Variants in FAM72B observed in about 807,000 individuals in gnomAD.
FAM72B encodes the protein protein FAM72B.
In FAM72B, 4 loss-of-function variants were observed where a neutral mutation model predicts 12.6. That is an observed-to-expected ratio of 0.32 (90% CI 0.16 to 0.73). The LOEUF is 0.73. Among genes scored for constraint, FAM72B ranks in the 30% least tolerant of loss-of-function variants. The pLI is 0.67. For synonymous variants in FAM72B, 13 were observed against 53.9 expected (o/e 0.24, Z 3.32); for missense variants, 61 against 158.4 (o/e 0.39, Z 3.30).
chr1:121,180,208 T>G (rs1266280482), intron 2 of FAM72B, among the ~76,000 whole-genome samples: 1 of 69,132 alleles, frequency 1.4e-5, no homozygotes, highest in Non-Finnish European at 2.5e-5. Flanking sequence ...TATAATAACT[T>G]GATAAGGTAA....
chr1:121,175,100 T>A (rs1490844008), intron 3 of FAM72B, among the ~76,000 whole-genome samples: 1 of 152,144 alleles, frequency 6.6e-6, no homozygotes, highest in Admixed American at 6.5e-5. Flanking sequence ...TGACTTTAAG[T>A]TGAATCCAAT....
At chr1:121,182,860 CTG>C (rs1553317823) in intron 1 of FAM72B, 2 of 91,070 alleles carry the variant, frequency 2.2e-5, no homozygotes, top group African/African-American at 8.0e-5. Context: ...GGAAAGAAAA[CTG>C]AATTTGATGA....
At chr1:121,175,175 C>T (rs587698583) in intron 3 of FAM72B, among the ~76,000 whole-genome samples, 16 of 152,160 alleles carry the variant, frequency 1.1e-4, no homozygotes, top group Middle Eastern at 3.4e-3. Flanking sequence ...TTTGCCTGTG[C>T]GCTGTCAATG....
chr1:121,181,173 AC>A (rs1654325605), intron 2 of FAM72B, 97 bp downstream of exon 2: 2 of 485,582 alleles, frequency 4.1e-6, no homozygotes, highest in Non-Finnish European at 7.5e-6. Flanking sequence ...CATGCTTTAT[AC>A]CAGTCCTTGT....
At chr1:121,173,209 G>A (rs1444808882) in intron 3 of FAM72B, among the ~76,000 whole-genome samples, 1 of 140,356 alleles carries the variant, frequency 7.1e-6, no homozygotes, top group Non-Finnish European at 1.5e-5. Context: ...TTTTGAGACA[G>A]GGTCTCACTC....
chr1:121,168,970 T>A, intron 3 of FAM72B, 135 bp from the exon 4 acceptor site: 1 of 580,628 alleles, frequency 1.7e-6, no homozygotes, highest in Non-Finnish European at 3.1e-6. Context: ...TATTGAAGAA[T>A]GTACTGCAAA....
chr1:121,178,698 T>A (rs1169558393), intron 2 of FAM72B, among the ~76,000 whole-genome samples: 1 of 152,004 alleles, frequency 6.6e-6, no homozygotes, highest in African/African-American at 2.4e-5. Context: ...AGGAATACAC[T>A]GGTAAACAAA....
chr1:121,174,416 G>A (rs1654164390), intron 3 of FAM72B, among the ~76,000 whole-genome samples: 2 of 139,454 alleles, frequency 1.4e-5, no homozygotes, highest in Admixed American at 1.4e-4. Context: ...TGCCCAGGCT[G>A]GAGTGCAATG....
At chr1:121,181,892 CA>C (rs1376504752) in intron 1 of FAM72B, among the ~76,000 whole-genome samples, 187 of 151,672 alleles carry the variant, frequency 1.2e-3, no homozygotes, top group Non-Finnish European at 1.8e-3. Flanking sequence ...CATTGATTCA[CA>C]TACATCTTAG....
chr1:121,180,466 T>A (rs1442255896), intron 2 of FAM72B, among the ~76,000 whole-genome samples: 1 of 128,186 alleles, frequency 7.8e-6, no homozygotes, highest in Admixed American at 7.7e-5. Flanking sequence ...GGAGAATCAC[T>A]TGAACCTGGG....
In FAM72B at chr1:121,183,673, T is replaced by C. The variant is rs1333795511; in HGVS notation, c.-184A>G. Reference sequence around the variant, plus strand: ...CCGGTGGCGGAGTAGAAGAAGTATTTATTGAGTAGGAACAGGGGAGCGTGG... The same window carrying C: ...CCGGTGGCGGAGTAGAAGAAGTATTCATTGAGTAGGAACAGGGGAGCGTGG... On this transcript the variant is annotated 5_prime_UTR_variant, in exon 1 of 4. The change creates a new upstream start codon in the 5' untranslated region. Transcript: ENST00000369390. The C allele has an allele frequency of 1.6e-5, 16 of 994,566 alleles. No individual in the cohort carries two copies. The highest frequency in any genetic ancestry group is 3.3e-5 in the African/African-American group (2 of 60,094). 61.6% of individuals were successfully genotyped at this position (994,566 alleles called of 1,614,324 possible).
At chr1:121,179,555 C>T (rs1399919004) in intron 2 of FAM72B, among the ~76,000 whole-genome samples, 3 of 152,118 alleles carry the variant, frequency 2.0e-5, no homozygotes, top group Admixed American at 6.5e-5. Context: ...GGGCTGGGTG[C>T]GGTGGCTCAC....
chr1:121,178,797 A>T lies in FAM72B; in HGVS notation c.231-1465T>A, dbSNP rs1654266439. The stretch of plus-strand genomic sequence containing the variant: ...TGGTTAAAACCTCTTCAATAGCCAA[A>T]AATGAAAATAAAAACCTTTCCATAC... On this transcript the variant is annotated intron_variant, in intron 2 of 3. Transcript: ENST00000369390. Among the ~76,000 whole-genome samples the T allele has an allele frequency of 5.5e-5, 8 of 145,556 alleles. No homozygotes were observed. The South Asian group carries it at 1.8e-3, about 32-fold the overall frequency.
intron 3 of FAM72B, among the ~76,000 whole-genome samples, chr1:121,170,130 C>T (rs1654062803): frequency 6.6e-6 from 1 of 151,940 alleles, no homozygotes; most frequent in Non-Finnish European, 1.5e-5. Context: ...GCCACCATGC[C>T]TGGGTAATTT....
chr1:121,180,317 G>A (rs1172688081), intron 2 of FAM72B, among the ~76,000 whole-genome samples: 10 of 97,604 alleles, frequency 1.0e-4, no homozygotes, highest in East Asian at 5.1e-4. Flanking sequence ...CGAGGCAGGC[G>A]GATCACCTGA....
In FAM72B at chr1:121,168,911, A is replaced by T. The variant is rs587762389; in HGVS notation, c.356-76T>A. The T allele has an allele frequency of 2.5e-5, 20 of 796,962 alleles. 1 individual carries two copies. In the African/African-American group the frequency reaches 3.3e-4, roughly 13 times the overall value. 49.4% of individuals were successfully genotyped at this position (796,962 alleles called of 1,614,324 possible). ...CAGAACACAAATTACGAAACTTTAT[A>T]TGTTAATATTCTTATGTAAACCATA... On this transcript the variant is annotated intron_variant, in intron 3 of 3. Coordinates refer to ENST00000369390, the MANE Select transcript of FAM72B (RefSeq NM_001100910.2).
rs782141459 is a variant in FAM72B, at chr1:121,181,351, GGA to G, written c.153-5_153-4del. The G allele has an allele frequency of 9.0e-5, 54 of 600,302 alleles. No individual in the cohort carries two copies. Among genetic ancestry groups the G allele is most frequent in the Non-Finnish European group, 1.6e-4 (53 of 339,164 alleles). 37.2% of individuals were successfully genotyped at this position (600,302 alleles called of 1,614,324 possible). On this transcript the variant is annotated splice_polypyrimidine_tract_variant and splice_region_variant and intron_variant, in intron 1 of 3. Coordinates refer to ENST00000369390, the MANE Select transcript of FAM72B (RefSeq NM_001100910.2). ...ATCTTCCAGTGAAGTCCACTGCGCTGGAGAGAGAAAGGTATAAAAAGACAGTC... is the reference window on the plus strand; with the variant it reads ...ATCTTCCAGTGAAGTCCACTGCGCTGGAGAGAAAGGTATAAAAAGACAGTC...
chr1:121,170,032 G>A (rs1293303363), intron 3 of FAM72B, among the ~76,000 whole-genome samples: 1 of 151,978 alleles, frequency 6.6e-6, no homozygotes, highest in African/African-American at 2.4e-5. Flanking sequence ...GACGAGTGGT[G>A]TAATCTTGGC....
Position 121,183,626 on chromosome 1 carries a change from T to A in FAM72B, c.-137A>T, listed in dbSNP as rs782091012. On this transcript the variant is annotated 5_prime_UTR_variant, in exon 1 of 4. Transcript: ENST00000369390. The stretch of plus-strand genomic sequence containing the variant: ...CTAAGTCCTAATATTGGGAAGGAAA[T>A]TAGTTTTTTTTTTCTGTTTTCCCGG... The A allele has an allele frequency of 4.2e-5, 65 of 1,563,128 alleles. No homozygotes were observed. The highest frequency in any genetic ancestry group is 5.3e-5 in the Non-Finnish European group (62 of 1,160,820).
Sources: allele counts gnomAD v4.1 joint callset (sites outside exome capture counted in the v4.1 genomes callset), GRCh38; gene constraint gnomAD v4.1.1; transcripts MANE v1.5; gene names NCBI Gene and HGNC (gene_info 2026-07-23, HGNC 2026-07-21).